CFAP74: variants seen among roughly 807,000 people sequenced by gnomAD.
CFAP74 encodes the protein cilia- and flagella-associated protein 74.
CFAP74 carries 124 observed loss-of-function variants against 188.9 expected under a neutral mutation model. The observed-to-expected ratio is 0.66, with a 90% confidence interval of 0.57 to 0.76. The LOEUF (loss-of-function observed/expected upper bound fraction) is 0.76. CFAP74 is among the 30% of genes least tolerant of loss of function. The pLI is 0.00. For missense variants in CFAP74, 2,198 were observed against 2,165.2 expected, an observed-to-expected ratio of 1.02 and a Z score of -0.30; for synonymous variants, 956 against 916.7, an observed-to-expected ratio of 1.04 and a Z score of -0.77.
chr1:1,968,553 G>T lies in CFAP74; in HGVS notation c.1245+82C>A. The T allele has an allele frequency of 1.6e-6, 2 of 1,230,964 alleles. No individual in the cohort carries two copies. Among genetic ancestry groups the T allele is most frequent in the Non-Finnish European group, 2.3e-6 (2 of 854,468 alleles). The allele number at this position is 1,230,964 out of a possible 1,614,324, so 76.3% of individuals were successfully genotyped here. A position where few individuals can be genotyped will look rare whatever the true frequency, so the allele number is the denominator to read the frequency against. ...CATGGTGCTGAGGTCCTCAGAGGAT[G>T]TCTCACCACACCTGAGCCCTGAGGC... On this transcript the variant is annotated intron_variant, in intron 11 of 38. Coordinates refer to ENST00000682832, the MANE Select transcript of CFAP74 (RefSeq NM_001304360.2). The surrounding 1 kb of genome is among the most constrained non-coding windows in gnomAD (Gnocchi z 4.3).
intron 14 of CFAP74, among the ~76,000 whole-genome samples, chr1:1,960,409 CA>C (rs895076043): frequency 2.6e-5 from 4 of 152,210 alleles, no homozygotes; most frequent in East Asian, 1.9e-4. Context: ...AATATGGGAC[CA>C]GGGGGCTGTG....
intron 18 of CFAP74, among the ~76,000 whole-genome samples, chr1:1,952,205 G>A (rs1365743353): frequency 2.6e-5 from 4 of 151,968 alleles, no homozygotes; most frequent in African/African-American, 4.8e-5. Context: ...CACCCGCCTC[G>A]GCCTCCCAAA....
At chr1:1,984,663 C>G (rs1484737028) in intron 6 of CFAP74, 1 of 152,588 alleles carries the variant, frequency 6.6e-6, no homozygotes, top group Non-Finnish European at 1.5e-5. Context: ...TGGGTCGTGA[C>G]TACATCACAG....
In CFAP74 at chr1:1,934,941, A is replaced by AATGAAAG. The variant is rs1351244889; in HGVS notation, c.3011+3913_3011+3914insCTTTCAT. 1.5e-3 allele frequency among the ~76,000 whole-genome samples: 114 copies of AATGAAAG among 76,246 alleles called. 1 individual carries two copies. The highest frequency in any genetic ancestry group is 1.9e-3 in the South Asian group (3 of 1,596). The allele number at this position is 76,246 out of a possible 152,430, so 50.0% of individuals were successfully genotyped here. A position where few individuals can be genotyped will look rare whatever the true frequency, so the allele number is the denominator to read the frequency against. On this transcript the variant is annotated intron_variant, in intron 25 of 38. Transcript: ENST00000682832. ...TTAGGTTGTAGGTACACAGGTGTGT[A>AATGAAAG]CGTGGGTGTTAGGTTGTAGGTACAC...
chr1:1,950,967 T>G (rs986252651), intron 18 of CFAP74, among the ~76,000 whole-genome samples: 4 of 152,210 alleles, frequency 2.6e-5, no homozygotes, highest in Non-Finnish European at 5.9e-5. Context: ...CATCATCTAT[T>G]TTGAGTAACT....
At chr1:1,976,644 G>A (rs7551350) in intron 6 of CFAP74, among the ~76,000 whole-genome samples, 32,722 of 152,146 alleles carry the variant, frequency 0.22, 3,656 homozygotes, top group Middle Eastern at 0.34. Context: ...CCGGGTTCAA[G>A]CAATTCTCCC....
chr1:1,961,906 G>C (rs1201194803), intron 14 of CFAP74, among the ~76,000 whole-genome samples: 1 of 152,346 alleles, frequency 6.6e-6, no homozygotes, highest in East Asian at 1.9e-4. Flanking sequence ...GCTGATCTCA[G>C]GGAGGGGCCA....
chr1:1,989,797 G>T lies in CFAP74; in HGVS notation c.68-824C>A, dbSNP rs548771011. On this transcript the variant is annotated intron_variant, in intron 2 of 38. Coordinates refer to ENST00000682832, the MANE Select transcript of CFAP74 (RefSeq NM_001304360.2). Reference sequence around the variant, plus strand: ...AAATCTTGACACGCACTAACTTGGTGGTACCACACCCGGCCAGTGTTAGGA... The same window carrying T: ...AAATCTTGACACGCACTAACTTGGTTGTACCACACCCGGCCAGTGTTAGGA... Among the ~76,000 whole-genome samples, 31 of 152,292 alleles carry T rather than the reference G, an allele frequency of 2.0e-4. No homozygotes were observed. The South Asian group carries it at 6.4e-3, about 32-fold the overall frequency.
chr1:1,968,570 C>A lies in CFAP74; in HGVS notation c.1245+65G>T. The A allele has an allele frequency of 7.1e-7, 1 of 1,401,000 alleles. No individual in the cohort carries two copies. The highest frequency in any genetic ancestry group is 2.3e-5 in the East Asian group (1 of 43,176). The allele number at this position is 1,401,000 out of a possible 1,614,324, so 86.8% of individuals were successfully genotyped here. On this transcript the variant is annotated intron_variant, in intron 11 of 38. Transcript: ENST00000682832. This position sits in a 1 kb window ranked among gnomAD's most constrained non-coding sequence, Gnocchi z 4.3. ...CAGAGGATGTCTCACCACACCTGAG[C>A]CCTGAGGCCCCACCTGCCCTCCACA...
intron 14 of CFAP74, among the ~76,000 whole-genome samples, chr1:1,961,394 A>G (rs562375283): frequency 6.6e-6 from 1 of 152,352 alleles, no homozygotes; most frequent in South Asian, 2.1e-4. Flanking sequence ...GCAGGCGGAA[A>G]GCCAGGTATC....
At position 1,988,896 on chromosome 1, in the gene CFAP74, G is replaced by A. The variant is rs2102106204; in HGVS notation, c.145C>T (p.His49Tyr). The change falls in exon 3 of 39, where the codon CAC becomes TAC. Residue 49 changes from histidine (H) to tyrosine (Y), a missense_variant. Physicochemically the swap from His to Tyr is moderately conservative, Grantham distance 83. Transcript: ENST00000682832. ...QEAEDDVDPG[H>Y]SSSVKELDTD... is the part of the protein sequence containing the mutation. ...CCCGATCCTCCGAGTTACCTGCTGT[G>A]TCCCGGGTCCACGTCATCCTCAGCT... The A allele has an allele frequency of 1.3e-6, 2 of 1,536,186 alleles. No homozygotes were observed. Among genetic ancestry groups the A allele is most frequent in the East Asian group, 2.3e-5 (1 of 42,822 alleles).
chr1:1,939,289 G>A (rs1653189913), intron 24 of CFAP74, among the ~76,000 whole-genome samples: 1 of 152,228 alleles, frequency 6.6e-6, no homozygotes, highest in Non-Finnish European at 1.5e-5. Context: ...AAAGGTGAGG[G>A]GTGCCCAGGC....
In CFAP74 at chr1:1,938,899, G is replaced by A. The variant is rs1432650601; in HGVS notation, c.2967C>T (p.Ala989=). ...AGGTCAGTTGGAATCTGTGTTCCTC[G>A]GCCTTGGTGGGCTGGAAGATCACAC... The part of the protein sequence containing the change: ...QFCVIFQPTK[A]EEHRFQLTCK... The change falls in exon 25 of 39, where the codon GCC becomes GCT. Residue 989 remains alanine (A), a synonymous_variant. Coordinates refer to ENST00000682832, the MANE Select transcript of CFAP74 (RefSeq NM_001304360.2). 1.3e-6 allele frequency: 2 copies of A among 1,536,060 alleles called. No individual in the cohort carries two copies. The highest frequency in any genetic ancestry group is 1.7e-6 in the Non-Finnish European group (2 of 1,146,920).
intron 18 of CFAP74, chr1:1,955,380 C>A: frequency 7.3e-7 from 1 of 1,374,348 alleles, no homozygotes; most frequent in Non-Finnish European, 9.6e-7. Flanking sequence ...GCAGCCCGGC[C>A]CCTCCAGGGG....
intron 16 of CFAP74, among the ~76,000 whole-genome samples, chr1:1,958,313 C>T (rs138227500): frequency 4.3e-4 from 66 of 152,358 alleles, no homozygotes; most frequent in South Asian, 1.0e-3. Flanking sequence ...CTTCCTGCCC[C>T]GCTGACGCAG....
At chr1:1,993,586 G>A (rs1384768530) in intron 1 of CFAP74, among the ~76,000 whole-genome samples, 3 of 151,324 alleles carry the variant, frequency 2.0e-5, no homozygotes, top group African/African-American at 4.9e-5. Context: ...GTGCCCGGCC[G>A]GTGGCTGTTT....
At chr1:1,977,811 A>G (rs1390366487) in intron 6 of CFAP74, among the ~76,000 whole-genome samples, 1 of 152,170 alleles carries the variant, frequency 6.6e-6, no homozygotes, top group Non-Finnish European at 1.5e-5. Flanking sequence ...AAGGAATCCA[A>G]ATGTTTGGAG....
At chr1:1,947,135 C>G (rs375931281) in intron 18 of CFAP74, 81 bp from the exon 19 acceptor site, 2 of 997,144 alleles carry the variant, frequency 2.0e-6, no homozygotes, top group East Asian at 2.6e-5. Flanking sequence ...ACGTGGTCAC[C>G]ACCTCCAAAC....
At chr1:1,948,959 TC>T (rs372472041) in intron 18 of CFAP74, among the ~76,000 whole-genome samples, 2 of 21,040 alleles carry the variant, frequency 9.5e-5, no homozygotes, top group Admixed American at 6.1e-4. Flanking sequence ...CCTCCCTTAC[TC>T]CCTTCCTTCC....
Sources: gnomAD v4.1 joint callset for allele counts (sites outside exome capture counted in the v4.1 genomes callset) on GRCh38, gnomAD v4.1.1 for gene constraint, Gnocchi (gnomAD v3.1) non-coding constraint, MANE v1.5 for transcripts, NCBI Gene and HGNC (gene_info 2026-07-23, HGNC 2026-07-21) for gene names.